The following GPHN variants were observed in gnomAD, a reference collection of about 807,000 sequenced individuals.
GPHN encodes gephyrin.
GPHN carries 17 observed loss-of-function variants against 95.5 expected under a neutral mutation model. The observed-to-expected ratio is 0.18, with a 90% CI of 0.12 to 0.27. The LOEUF (loss-of-function observed/expected upper bound fraction) is 0.27. Among genes scored for constraint, GPHN ranks in the 10% least tolerant of loss-of-function variants. The pLI is 1.00. For synonymous variants in GPHN, 320 were observed against 322.5 expected, an observed-to-expected ratio of 0.99 and a Z score of 0.08; for missense variants, 660 against 978.1, an observed-to-expected ratio of 0.67 and a Z score of 4.34.
the GPHN span, among the ~76,000 whole-genome samples, chr14:67,708,589 T>C: frequency 6.6e-6 from 1 of 152,186 alleles, no homozygotes; most frequent in Non-Finnish European, 1.5e-5. Context: ...ACAATTATAA[T>C]TATTACTGAT....
intron 11 of GPHN, among the ~76,000 whole-genome samples, chr14:67,076,581 A>T (rs1156387625): frequency 9.2e-5 from 14 of 152,148 alleles, no homozygotes. Flanking sequence ...GAGTAAATAT[A>T]TGTTTTGACA....
chr14:67,612,852 C>G, the GPHN span, among the ~76,000 whole-genome samples: 3 of 151,748 alleles, frequency 2.0e-5, no homozygotes, highest in Non-Finnish European at 2.9e-5. Flanking sequence ...GGCTGAGGCA[C>G]AAGACTCTCT....
the GPHN span, chr14:67,224,542 G>A: frequency 0.012 from 2,331 of 192,788 alleles, 28 homozygotes; most frequent in Non-Finnish European, 0.017. Flanking sequence ...TTACAGACAT[G>A]AGCCACTGTG....
At position 67,165,162 on chromosome 14, in the gene GPHN, C is replaced by T. The variant is rs775964885; in HGVS notation, c.1911C>T (p.Gly637=). The change falls in exon 20 of 23, where the codon GGC becomes GGT. Residue 637 remains glycine, a splice_region_variant and synonymous_variant. Transcript: ENST00000478722. ...IHFGRVFMKP[G]LPTTFATLDI... is the part of the protein sequence containing the mutation. ...ACAAGTGACTCTTTTTTTCTTCTAG[C>T]TTGCCAACAACATTTGCAACTTTGG... 1 of 1,604,634 alleles carries T rather than the reference C, an allele frequency of 6.2e-7. No homozygotes were observed. Among genetic ancestry groups the T allele is most frequent in the Non-Finnish European group, 8.5e-7 (1 of 1,171,524 alleles).
At chr14:67,286,867 A>G in the GPHN span, among the ~76,000 whole-genome samples, 1 of 151,000 alleles carries the variant, frequency 6.6e-6, no homozygotes, top group Non-Finnish European at 1.5e-5. Context: ...AAAAAAAAAA[A>G]AAAAAAAGAA....
chr14:67,600,115 C>T, the GPHN span: 7 of 1,597,778 alleles, frequency 4.4e-6, no homozygotes, highest in East Asian at 6.8e-5. Flanking sequence ...GCAGCTGAGG[C>T]AGAATTCCCG....
At chr14:66,966,841 A>G (rs894852774) in intron 9 of GPHN, among the ~76,000 whole-genome samples, 1 of 151,968 alleles carries the variant, frequency 6.6e-6, no homozygotes, top group South Asian at 2.1e-4. Context: ...TTAATTATAC[A>G]TAGTAGTTCT....
the GPHN span, among the ~76,000 whole-genome samples, chr14:67,522,920 G>A: frequency 6.6e-6 from 1 of 152,216 alleles, no homozygotes; most frequent in African/African-American, 2.4e-5. Flanking sequence ...ACTCTATCTT[G>A]TCCGGGGAAT....
chr14:67,638,040 G>A, the GPHN span, among the ~76,000 whole-genome samples: 3 of 152,248 alleles, frequency 2.0e-5, no homozygotes, highest in East Asian at 5.8e-4. Flanking sequence ...AAAGTCCTAG[G>A]CATGAGAGCC....
At chr14:67,670,048 T>C in the GPHN span, among the ~76,000 whole-genome samples, 1 of 152,196 alleles carries the variant, frequency 6.6e-6, no homozygotes. Context: ...TGAGCAGTGA[T>C]GGTGCCACTG....
At chr14:66,552,964 C>CT (rs1015420389) in intron 1 of GPHN, among the ~76,000 whole-genome samples, 36 of 143,078 alleles carry the variant, frequency 2.5e-4, no homozygotes, top group Admixed American at 9.0e-4. Context: ...GGCTAAACTT[C>CT]TTTTTTTTTT....
chr14:67,594,058 G>T, the GPHN span: 1 of 705,900 alleles, frequency 1.4e-6, no homozygotes, highest in Non-Finnish European at 2.4e-6. Flanking sequence ...CTTTTATTTG[G>T]GTTCTAAGGT....
In GPHN at chr14:67,181,171, G is replaced by A; in HGVS notation, c.*234G>A. 3 of 562,198 alleles carry A rather than the reference G, an allele frequency of 5.3e-6. No homozygotes were observed. The highest frequency in any genetic ancestry group is 9.5e-6 in the Non-Finnish European group (3 of 315,610). The allele number at this position is 562,198 out of a possible 1,614,324, so 34.8% of individuals were successfully genotyped here. A position where few individuals can be genotyped will look rare whatever the true frequency, so the allele number is the denominator to read the frequency against. ...TATCAAGGCAAATTTTTCCTTTCTT[G>A]CAAATTGCTTTGTGTGTTCAATGCT... On this transcript the variant is annotated 3_prime_UTR_variant, in exon 23 of 23. Coordinates refer to ENST00000478722, the MANE Select transcript of GPHN (RefSeq NM_020806.5).
chr14:66,955,160 A>G (rs1454928545), intron 8 of GPHN, among the ~76,000 whole-genome samples: 1 of 152,190 alleles, frequency 6.6e-6, no homozygotes, highest in South Asian at 2.1e-4. Flanking sequence ...CATATTTTGT[A>G]GAAGAGTTGG....
In GPHN at chr14:66,588,066, G is replaced by T. The variant is rs532088445; in HGVS notation, c.64+79475G>T. Reference sequence around the variant, plus strand: ...AACAGGTAGCAATCTTTGCTGTTCTGCAGCCTCCGCTGGTGATACCTAGGC... The same window carrying T: ...AACAGGTAGCAATCTTTGCTGTTCTTCAGCCTCCGCTGGTGATACCTAGGC... On this transcript the variant is annotated intron_variant, in intron 1 of 22. Coordinates refer to ENST00000478722, the MANE Select transcript of GPHN (RefSeq NM_020806.5). Among the ~76,000 whole-genome samples the T allele has an allele frequency of 5.9e-5, 9 of 152,302 alleles. No individual in the cohort carries two copies. In the East Asian group the frequency reaches 1.5e-3, roughly 26 times the overall value.
chr14:67,702,846 C>G, the GPHN span, among the ~76,000 whole-genome samples: 1 of 152,182 alleles, frequency 6.6e-6, no homozygotes. Flanking sequence ...CAGGGCCTCA[C>G]TCTGTTGCCC....
the GPHN span, chr14:67,446,973 C>T: frequency 6.6e-6 from 1 of 152,040 alleles, no homozygotes; most frequent in Non-Finnish European, 1.5e-5. Flanking sequence ...ACAGGGACTA[C>T]AGAGCCTAAA....
At chr14:67,585,655 G>A in the GPHN span, 1 of 1,554,176 alleles carries the variant, frequency 6.4e-7, no homozygotes, top group Non-Finnish European at 8.7e-7. Flanking sequence ...CAACACTATG[G>A]TATGAAAGGA....
the GPHN span, among the ~76,000 whole-genome samples, chr14:67,421,361 G>A: frequency 1.3e-5 from 2 of 152,126 alleles, no homozygotes; most frequent in African/African-American, 2.4e-5. Context: ...TGAACATCGG[G>A]ATTGTCAGAC....
Sources: allele counts gnomAD v4.1 joint callset (sites outside exome capture counted in the v4.1 genomes callset), GRCh38; gene constraint gnomAD v4.1.1; transcripts MANE v1.5; gene names NCBI Gene and HGNC (gene_info 2026-07-23, HGNC 2026-07-21).